The following DRC8 variants were observed in gnomAD, a reference collection of about 807,000 sequenced individuals.
DRC8 encodes dynein regulatory complex subunit 8.
the DRC8 span, chr1:245,083,594 A>G: frequency 6.3e-7 from 1 of 1,598,476 alleles, no homozygotes; most frequent in African/African-American, 1.4e-5. Flanking sequence ...AATGAAAAAT[A>G]TAATATCTAT....
At chr1:245,019,081 C>T in the DRC8 span, among the ~76,000 whole-genome samples, 1 of 152,028 alleles carries the variant, frequency 6.6e-6, no homozygotes, top group Non-Finnish European at 1.5e-5. Context: ...GGTAAAAGGG[C>T]CAATTCAGTA....
At chr1:245,055,776 T>C in the DRC8 span, among the ~76,000 whole-genome samples, 1 of 152,352 alleles carries the variant, frequency 6.6e-6, no homozygotes, top group Admixed American at 6.5e-5. Context: ...GTTTATTTGC[T>C]CTTCTTGCCG....
chr1:245,002,303 C>A, the DRC8 span: 1 of 1,304,622 alleles, frequency 7.7e-7, no homozygotes, highest in Non-Finnish European at 1.1e-6. Context: ...TCCAGCCTTG[C>A]TTCCTTCCAG....
chr1:245,104,375 A>G, the DRC8 span, among the ~76,000 whole-genome samples: 11 of 152,046 alleles, frequency 7.2e-5, no homozygotes, highest in African/African-American at 1.7e-4. Context: ...GTGGTGGCGC[A>G]TGCCTGTAAT....
chr1:245,006,984 G>C, the DRC8 span, among the ~76,000 whole-genome samples: 1 of 152,020 alleles, frequency 6.6e-6, no homozygotes, highest in Non-Finnish European at 1.5e-5. Flanking sequence ...ACCCCAGAAA[G>C]GTTGAAAGGT....
chr1:245,031,693 G>A, the DRC8 span, among the ~76,000 whole-genome samples: 1 of 152,192 alleles, frequency 6.6e-6, no homozygotes, highest in East Asian at 1.9e-4. Context: ...TGGCATTATT[G>A]ATTTTGCTCC....
the DRC8 span, chr1:245,059,519 T>C: frequency 1.6e-5 from 23 of 1,413,230 alleles, no homozygotes; most frequent in African/African-American, 3.3e-4. Flanking sequence ...CTCCTTGTAA[T>C]TAAAAACAAT....
At chr1:244,987,432 T>C in the DRC8 span, among the ~76,000 whole-genome samples, 1 of 152,092 alleles carries the variant, frequency 6.6e-6, no homozygotes, top group African/African-American at 2.4e-5. Context: ...TTCGAACTCC[T>C]GACCTCAAGT....
chr1:245,066,824 G>A, the DRC8 span, among the ~76,000 whole-genome samples: 1 of 151,868 alleles, frequency 6.6e-6, no homozygotes, highest in Admixed American at 6.6e-5. Context: ...GGAGAATGGC[G>A]TGAACCCGGG....
chr1:244,974,902 T>TACGCTGG, the DRC8 span, among the ~76,000 whole-genome samples: 1 of 152,018 alleles, frequency 6.6e-6, no homozygotes, highest in Non-Finnish European at 1.5e-5. Flanking sequence ...CTGTGTTGGC[T>TACGCTGG]ACGCTGGTCT....
chr1:245,120,070 T>C, the DRC8 span, among the ~76,000 whole-genome samples: 1 of 152,234 alleles, frequency 6.6e-6, no homozygotes, highest in Non-Finnish European at 1.5e-5. Context: ...ATCTGAAAGA[T>C]GTAAAAAAAG....
the DRC8 span, among the ~76,000 whole-genome samples, chr1:245,028,380 A>G: frequency 6.6e-6 from 1 of 152,250 alleles, no homozygotes; most frequent in Non-Finnish European, 1.5e-5. Context: ...TGACTGGGCT[A>G]GAATTATTAG....
chr1:245,002,753 ATT>A, the DRC8 span, among the ~76,000 whole-genome samples: 224 of 144,556 alleles, frequency 1.5e-3, no homozygotes, highest in Admixed American at 2.0e-3. Flanking sequence ...TTTCTGGAAG[ATT>A]TTTTTTTTTT....
the DRC8 span, among the ~76,000 whole-genome samples, chr1:245,058,788 C>T: frequency 1.3e-5 from 2 of 152,296 alleles, no homozygotes; most frequent in East Asian, 3.9e-4. Context: ...CGCTGCTCTG[C>T]CAGGAGATGT....
chr1:245,077,649 T>A, the DRC8 span, among the ~76,000 whole-genome samples: 2 of 152,176 alleles, frequency 1.3e-5, no homozygotes, highest in African/African-American at 4.8e-5. Context: ...CAATGAATGA[T>A]GATGGGAAAA....
the DRC8 span, among the ~76,000 whole-genome samples, chr1:245,117,380 A>G: frequency 6.6e-6 from 1 of 151,858 alleles, no homozygotes; most frequent in African/African-American, 2.4e-5. Context: ...ATAAATGATA[A>G]CAGAGAAAAT....
At chr1:245,014,054 A>G in the DRC8 span, among the ~76,000 whole-genome samples, 9 of 146,580 alleles carry the variant, frequency 6.1e-5, no homozygotes. Context: ...AAAAAAGACA[A>G]AAAAAAAGAA....
chr1:245,037,833 A>T, the DRC8 span, among the ~76,000 whole-genome samples: 1 of 152,118 alleles, frequency 6.6e-6, no homozygotes, highest in African/African-American at 2.4e-5. Context: ...AAGAGCGTTC[A>T]CCTATACAAA....
the DRC8 span, among the ~76,000 whole-genome samples, chr1:245,037,732 C>A: frequency 0.051 from 7,788 of 151,980 alleles, 677 homozygotes; most frequent in African/African-American, 0.18. Context: ...GATTAAATAT[C>A]TGGAAACCTC....
Sources: allele counts gnomAD v4.1 joint callset (sites outside exome capture counted in the v4.1 genomes callset), GRCh38; gene constraint gnomAD v4.1.1; transcripts MANE v1.5; gene names NCBI Gene and HGNC (gene_info 2026-07-23, HGNC 2026-07-21).